PMVK: variants seen among roughly 807,000 people sequenced by gnomAD.
PMVK encodes the protein phosphomevalonate kinase, also known as testis tissue sperm-binding protein Li 95mP.
In PMVK, 10 loss-of-function variants were observed where a neutral mutation model predicts 19.0. That is an observed-to-expected ratio of 0.53 (90% CI 0.32 to 0.89). The LOEUF (loss-of-function observed/expected upper bound fraction) is 0.89, where lower values mean the gene tolerates loss of function less well. PMVK is among the 40% of genes least tolerant of loss of function. The pLI is 0.03. For synonymous variants in PMVK, 108 were observed against 101.6 expected (o/e 1.06, Z -0.38); for missense variants, 222 against 251.1 (o/e 0.88, Z 0.78).
At chr1:154,925,725 G>A (rs1024910905) in intron 4 of PMVK, among the ~76,000 whole-genome samples, 5 of 152,338 alleles carry the variant, frequency 3.3e-5, no homozygotes, top group Non-Finnish European at 5.9e-5. Flanking sequence ...TAACCTTTCA[G>A]GCCAGGGCCT....
At chr1:154,941,113 G>T (rs549699626), upstream of PMVK, among the ~76,000 whole-genome samples, 1 of 152,214 alleles carries the variant, frequency 6.6e-6, no homozygotes, top group Non-Finnish European at 1.5e-5. Flanking sequence ...CCACTCTGGG[G>T]TTTCCGACTT....
chr1:154,941,265 G>T (rs1222209174), upstream of PMVK, among the ~76,000 whole-genome samples: 3 of 152,352 alleles, frequency 2.0e-5, no homozygotes, highest in East Asian at 5.8e-4. Context: ...CTCCATTTGG[G>T]AGCGGCAGTC....
chr1:154,941,108 C>G (rs2101978275), upstream of PMVK, among the ~76,000 whole-genome samples: 1 of 152,340 alleles, frequency 6.6e-6, no homozygotes, highest in African/African-American at 2.4e-5. Flanking sequence ...GACCGCCACT[C>G]TGGGGTTTCC....
intron 1 of PMVK, among the ~76,000 whole-genome samples, chr1:154,935,759 T>C (rs1317956150): frequency 6.6e-6 from 1 of 152,178 alleles, no homozygotes; most frequent in Non-Finnish European, 1.5e-5. Context: ...GACAGTAGCA[T>C]GATTACAATT....
chr1:154,942,408 G>A, the PMVK span, among the ~76,000 whole-genome samples: 1 of 152,214 alleles, frequency 6.6e-6, no homozygotes. Flanking sequence ...GAGATCATCC[G>A]AAGACCTGGA....
At chr1:154,927,471 A>AC (rs1654201546) in intron 3 of PMVK, among the ~76,000 whole-genome samples, 1 of 150,408 alleles carries the variant, frequency 6.6e-6, no homozygotes, top group Non-Finnish European at 1.5e-5. Flanking sequence ...AAAAAAAAAA[A>AC]AAAAACACAG....
At chr1:154,941,091 C>T (rs977144608), upstream of PMVK, among the ~76,000 whole-genome samples, 1 of 152,178 alleles carries the variant, frequency 6.6e-6, no homozygotes, top group South Asian at 2.1e-4. Context: ...AGGTGGGCAG[C>T]GGTGGAGACC....
At position 154,928,274 on chromosome 1, in the gene PMVK, CAGA is replaced by C. The variant is rs1028933135; in HGVS notation, c.312+747_312+749del. 3.9e-5 allele frequency among the ~76,000 whole-genome samples: 6 copies of C among 152,290 alleles called. 1 individual carries two copies. The highest frequency in any genetic ancestry group is 6.8e-3 in the Middle Eastern group (2 of 294). On this transcript the variant is annotated intron_variant, in intron 3 of 4. Coordinates refer to ENST00000368467, the MANE Select transcript of PMVK (RefSeq NM_006556.4). ...AGGGCATGTGCAAAGGCCCTGATTC[CAGA>C]AGGAGTTCGACTGACTTGAGGACCA...
chr1:154,939,279 G>A (rs186639829), upstream of PMVK, among the ~76,000 whole-genome samples: 85 of 152,138 alleles, frequency 5.6e-4, no homozygotes, highest in African/African-American at 1.8e-3. Flanking sequence ...AACCCTCCAA[G>A]GTCACTTGCT....
intron 3 of PMVK, among the ~76,000 whole-genome samples, chr1:154,926,789 C>T (rs566817317): frequency 1.1e-4 from 16 of 152,170 alleles, no homozygotes; most frequent in Non-Finnish European, 1.8e-4. Context: ...GTAAGCAAAA[C>T]AGACCCTGTG....
intron 1 of PMVK, among the ~76,000 whole-genome samples, chr1:154,935,987 C>T (rs1271417519): frequency 6.6e-6 from 1 of 152,064 alleles, no homozygotes; most frequent in Non-Finnish European, 1.5e-5. Context: ...CCACCACACC[C>T]GGCCTGTTTA....
chr1:154,925,080 G>GCC lies in PMVK; in HGVS notation c.*47_*48dup. ...GGGACACCCCCATTTTGCAGAGTCA[G>GCC]CCCCACCCCCACCTCAGCAGGCCCC... On this transcript the variant is annotated 3_prime_UTR_variant, in exon 5 of 5. Transcript: ENST00000368467. The GCC allele has an allele frequency of 1.4e-5, 21 of 1,459,200 alleles. No homozygotes were observed. The highest frequency in any genetic ancestry group is 1.3e-4 in the Admixed American group (7 of 55,186). 90.4% of individuals were successfully genotyped at this position (1,459,200 alleles called of 1,614,324 possible).
At chr1:154,936,363 C>G (rs989585495) in intron 1 of PMVK, 2 of 982,888 alleles carry the variant, frequency 2.0e-6, no homozygotes, top group African/African-American at 1.7e-5. Context: ...TCAGAGAGAC[C>G]TGCAGCTGAA....
rs563461749 is a variant in PMVK, at chr1:154,935,023, C to T, written c.95+1568G>A. ...GTTGCGGTGAGCCGCAACCTGGGTG[C>T]GCTCCAGCCTGGGTGACAGAGCAAG... On this transcript the variant is annotated intron_variant, in intron 1 of 4. Coordinates refer to ENST00000368467, the MANE Select transcript of PMVK (RefSeq NM_006556.4). Among the ~76,000 whole-genome samples, 164 of 134,276 alleles carry T rather than the reference C, an allele frequency of 1.2e-3. 1 individual carries two copies. The highest frequency in any genetic ancestry group is 4.6e-3 in the African/African-American group (153 of 33,528). 88.1% of individuals were successfully genotyped at this position (134,276 alleles called of 152,430 possible). A position where few individuals can be genotyped will look rare whatever the true frequency, so the allele number is the denominator to read the frequency against.
In PMVK at chr1:154,936,611, C is replaced by G. The variant is rs746400201; in HGVS notation, c.75G>C (p.Val25=). 3 of 1,607,202 alleles carry G rather than the reference C, an allele frequency of 1.9e-6. No homozygotes were observed. In the East Asian group the frequency reaches 6.7e-5, roughly 36 times the overall value. ...GACACCTGCTCTGCAGCGCCTCGGT[C>G]ACGAAGTCCTTCCCGGATTTCCTCT... is the stretch of plus-strand genomic sequence containing the variant. The part of the protein sequence containing the change: ...SGKRKSGKDF[V]TEALQSRLGA... Residue 25 remains valine, a synonymous_variant, in exon 1 of 5, where the codon GTG becomes GTC. Transcript: ENST00000368467.
Position 154,925,086 on chromosome 1 carries a change from C to A in PMVK, c.*43G>T, listed in dbSNP as rs767632095. 8 of 1,406,666 alleles carry A rather than the reference C, an allele frequency of 5.7e-6. No homozygotes were observed. The highest frequency in any genetic ancestry group is 2.9e-5 in the African/African-American group (2 of 68,070). The allele number at this position is 1,406,666 out of a possible 1,614,324, so 87.1% of individuals were successfully genotyped here. On this transcript the variant is annotated 3_prime_UTR_variant, in exon 5 of 5. Transcript: ENST00000368467. ...CCCCCATTTTGCAGAGTCAGCCCCA[C>A]CCCCACCTCAGCAGGCCCCAGCTCA...
At chr1:154,939,718 A>G (rs1159221901), upstream of PMVK, among the ~76,000 whole-genome samples, 2 of 151,730 alleles carry the variant, frequency 1.3e-5, no homozygotes, top group East Asian at 1.9e-4. Context: ...AAAAAAAAAA[A>G]AAAAGAAAGA....
intron 1 of PMVK, among the ~76,000 whole-genome samples, chr1:154,933,894 C>A (rs753256703): frequency 4.6e-5 from 7 of 152,106 alleles, no homozygotes; most frequent in Non-Finnish European, 7.4e-5. Context: ...CCTGGCTTAA[C>A]CAACCATTTA....
chr1:154,938,977 T>C (rs1473990566), upstream of PMVK, among the ~76,000 whole-genome samples: 1 of 152,024 alleles, frequency 6.6e-6, no homozygotes, highest in African/African-American at 2.4e-5. Flanking sequence ...GGCCTCAGCC[T>C]CCAAAAGTGC....
Sources: allele counts gnomAD v4.1 joint callset (sites outside exome capture counted in the v4.1 genomes callset), GRCh38; gene constraint gnomAD v4.1.1; transcripts MANE v1.5; gene names NCBI Gene and HGNC (gene_info 2026-07-23, HGNC 2026-07-21).